DMD: variants seen among roughly 807,000 people sequenced by gnomAD.
DMD encodes mutant dystrophin.
Under a neutral mutation model 330.1 loss-of-function variants are expected in DMD, and 63 were observed. The observed-to-expected ratio is 0.19, with a 90% CI of 0.16 to 0.24. DMD has a LOEUF of 0.24. DMD is among the 10% of genes least tolerant of loss of function. The pLI, the probability that DMD is intolerant of heterozygous loss-of-function variation, is 1.00. For synonymous variants in DMD, 1,223 were observed against 959.8 expected (o/e 1.27, Z -5.07); for missense variants, 3,344 against 2,684.1 (o/e 1.25, Z -5.43).
At chrX:33,040,683 A>G (rs2094285782) in intron 1 of DMD, among the ~76,000 whole-genome samples, 1 of 111,246 alleles carries the variant, frequency 9.0e-6, no homozygotes, top group African/African-American at 3.3e-5. Context: ...CTCAAACCCC[A>G]TACTAGCAGT....
chrX:32,469,692 T>A (rs2040417906), intron 22 of DMD, among the ~76,000 whole-genome samples: 1 of 111,591 alleles, frequency 9.0e-6, no homozygotes, highest in Non-Finnish European at 1.9e-5. Flanking sequence ...TGTTTTAGTG[T>A]GAGCATTTGC....
intron 2 of DMD, among the ~76,000 whole-genome samples, chrX:32,933,762 A>T (rs1261281779): frequency 8.9e-6 from 1 of 112,044 alleles, no homozygotes; most frequent in Non-Finnish European, 1.9e-5. Flanking sequence ...AAGCAGCTGA[A>T]ATGAGACACG....
intron 9 of DMD, among the ~76,000 whole-genome samples, chrX:32,675,508 T>A (rs761307455): frequency 8.9e-6 from 1 of 112,151 alleles, no homozygotes; most frequent in South Asian, 3.7e-4. Flanking sequence ...GGTTGCCTGA[T>A]TTATAATTTG....
intron 9 of DMD, among the ~76,000 whole-genome samples, chrX:32,673,866 T>G (rs2061791379): frequency 8.9e-6 from 1 of 111,917 alleles, no homozygotes; most frequent in Admixed American, 9.5e-5. Context: ...TCATAGAATT[T>G]GGGTTACTGG....
intron 50 of DMD, among the ~76,000 whole-genome samples, chrX:31,807,670 C>T (rs1374026054): frequency 1.8e-5 from 2 of 111,714 alleles, no homozygotes; most frequent in Non-Finnish European, 1.9e-5. Context: ...ATTCCACCCA[C>T]GGAGATTTAA....
At chrX:31,876,473 C>A (rs1419332421) in intron 47 of DMD, among the ~76,000 whole-genome samples, 1 of 111,521 alleles carries the variant, frequency 9.0e-6, no homozygotes, top group Non-Finnish European at 1.9e-5. Context: ...CTGAACATAC[C>A]TTAGAGCAAT....
At chrX:32,710,004 C>T (rs1249620642) in intron 7 of DMD, among the ~76,000 whole-genome samples, 1 of 110,980 alleles carries the variant, frequency 9.0e-6, no homozygotes, top group Non-Finnish European at 1.9e-5. Context: ...GAGTAAGACA[C>T]ATGTTGAAAA....
At chrX:32,680,134 G>A (rs761170244) in intron 9 of DMD, among the ~76,000 whole-genome samples, 3 of 107,751 alleles carry the variant, frequency 2.8e-5, no homozygotes, top group African/African-American at 6.8e-5. Context: ...GGCTGGTCTC[G>A]AACTCCTGAA....
rs370596293 is a variant in DMD at position 32,461,653 on chromosome X, CT to C, written c.3432+1785del. On this transcript the variant is annotated intron_variant, in intron 25 of 78. Coordinates refer to ENST00000357033, the MANE Select transcript of DMD (RefSeq NM_004006.3). The stretch of plus-strand genomic sequence containing the variant: ...TTTTAGTAATATTGTTGGTTTTATA[CT>C]TTTTTTTTTTGGCTGATGTTTTCCC... Among the ~76,000 whole-genome samples the C allele has an allele frequency of 0.02, 2,016 of 102,960 alleles. 49 individuals carry two copies. The highest frequency in any genetic ancestry group is 0.064 in the African/African-American group (1,830 of 28,634). The allele number at this position is 102,960 out of a possible 115,157, so 89.4% of individuals were successfully genotyped here. A position where few individuals can be genotyped will look rare whatever the true frequency, so the allele number is the denominator to read the frequency against.
At chrX:32,198,597 A>T (rs2097017889) in intron 44 of DMD, among the ~76,000 whole-genome samples, 1 of 111,921 alleles carries the variant, frequency 8.9e-6, no homozygotes, top group Non-Finnish European at 1.9e-5. Context: ...ATACTTTTTT[A>T]AAAATTCACT....
intron 4 of DMD, among the ~76,000 whole-genome samples, chrX:32,838,837 T>G (rs1020681314): frequency 8.0e-5 from 9 of 111,855 alleles, no homozygotes; most frequent in Non-Finnish European, 1.7e-4. Flanking sequence ...GGAATGTAAA[T>G]TAGTTCAACC....
chrX:32,440,484 GA>G (rs1202327669), intron 28 of DMD, among the ~76,000 whole-genome samples: 2 of 111,090 alleles, frequency 1.8e-5, no homozygotes, highest in Non-Finnish European at 3.8e-5. Flanking sequence ...TAGATTTACA[GA>G]GGGGCTATAC....
rs1235801814 is a variant in DMD, at chrX:33,234,513, T to C, written c.7+104746A>G. Among the ~76,000 whole-genome samples, 4 of 111,501 alleles carry C rather than the reference T, an allele frequency of 3.6e-5. No individual in the cohort carries two copies. The East Asian group carries it at 1.1e-3, about 31-fold the overall frequency. On this transcript the variant is annotated intron_variant, in intron 1 of 17. Coordinates refer to the DMD transcript ENST00000288447. Reference sequence around the variant, plus strand: ...TCACTGAGTTACAAATGACTTAATATCGACAATGCACTTAGAATACCACCC... The same window carrying C: ...TCACTGAGTTACAAATGACTTAATACCGACAATGCACTTAGAATACCACCC...
At chrX:31,647,304 T>C (rs1306782923) in intron 54 of DMD, among the ~76,000 whole-genome samples, 4 of 111,379 alleles carry the variant, frequency 3.6e-5, no homozygotes, top group African/African-American at 6.5e-5. Context: ...GGCCTCAGAG[T>C]TGCAGATTTG....
intron 44 of DMD, among the ~76,000 whole-genome samples, chrX:32,078,435 C>T (rs901313931): frequency 8.9e-5 from 10 of 111,826 alleles, no homozygotes; most frequent in Admixed American, 2.9e-4. Context: ...TTTCGATAAG[C>T]CAGTCAAAGT....
chrX:32,724,121 G>C (rs929261388), intron 7 of DMD, among the ~76,000 whole-genome samples: 9 of 112,072 alleles, frequency 8.0e-5, no homozygotes, highest in Non-Finnish European at 1.3e-4. Context: ...CATTTAAATG[G>C]TGCAATTCTA....
At chrX:32,380,902 G>A (rs2097922203) in intron 33 of DMD, among the ~76,000 whole-genome samples, 2 of 110,671 alleles carry the variant, frequency 1.8e-5, no homozygotes, top group Non-Finnish European at 3.8e-5. Flanking sequence ...GGTCTTGTAT[G>A]TCGTCATGGT....
chrX:32,261,380 T>G (rs988296293), intron 43 of DMD, among the ~76,000 whole-genome samples: 2 of 111,510 alleles, frequency 1.8e-5, no homozygotes, highest in Non-Finnish European at 3.8e-5. Flanking sequence ...AGGGAGGGCA[T>G]GAAAACATAA....
At chrX:32,448,916 A>G (rs928946261) in intron 26 of DMD, among the ~76,000 whole-genome samples, 2 of 111,197 alleles carry the variant, frequency 1.8e-5, no homozygotes, top group African/African-American at 6.5e-5. Flanking sequence ...AAATATATAC[A>G]CATTGATATA....
Sources: gnomAD v4.1 joint callset for allele counts (sites outside exome capture counted in the v4.1 genomes callset) on GRCh38, gnomAD v4.1.1 for gene constraint, MANE v1.5 for transcripts, NCBI Gene and HGNC (gene_info 2026-07-23, HGNC 2026-07-21) for gene names.